The following COX7A2L variants were observed in gnomAD, a reference collection of about 807,000 sequenced individuals.
COX7A2L encodes the protein cytochrome c oxidase subunit 7A2 like, also known as cytochrome c oxidase subunit 7A2-like, mitochondrial.
In COX7A2L, 18 loss-of-function variants were observed where a neutral mutation model predicts 14.2. The observed-to-expected ratio is 1.27, with a 90% CI of 0.88 to 1.88. The LOEUF (loss-of-function observed/expected upper bound fraction) is 1.88, where lower values mean the gene tolerates loss of function less well. Ranked by LOEUF, COX7A2L falls within the 40% of genes most tolerant of loss-of-function variation. The pLI, the probability that COX7A2L is intolerant of heterozygous loss-of-function variation, is 0.00. For missense variants in COX7A2L, 179 were observed against 138.8 expected (o/e 1.29, Z -1.46); for synonymous variants, 65 against 57.4 (o/e 1.13, Z -0.60).
chr2:42,352,671 T>A (rs1670684915), intron 2 of COX7A2L, among the ~76,000 whole-genome samples: 1 of 152,164 alleles, frequency 6.6e-6, no homozygotes. Flanking sequence ...GCACCTAAGA[T>A]TTGGTCAGGT....
chr2:42,341,905 G>A (rs543478376), intron 2 of COX7A2L, among the ~76,000 whole-genome samples: 6 of 152,290 alleles, frequency 3.9e-5, no homozygotes, highest in Middle Eastern at 3.4e-3. Flanking sequence ...TCTCTGGACG[G>A]CTCTAATCAA....
chr2:42,349,086 T>A (rs1670559831), downstream of COX7A2L, among the ~76,000 whole-genome samples: 1 of 152,166 alleles, frequency 6.6e-6, no homozygotes, highest in Admixed American at 6.5e-5. Flanking sequence ...AGAGTTACCA[T>A]ATGACCCAGG....
intron 2 of COX7A2L, among the ~76,000 whole-genome samples, chr2:42,340,553 G>GT (rs1558626339): frequency 6.6e-6 from 1 of 151,946 alleles, no homozygotes; most frequent in African/African-American, 2.4e-5. Context: ...AATGTGCTCC[G>GT]TAACGCCTGA....
intron 2 of COX7A2L, among the ~76,000 whole-genome samples, chr2:42,340,428 C>G (rs1449503910): frequency 6.6e-6 from 1 of 152,228 alleles, no homozygotes; most frequent in Admixed American, 6.5e-5. Context: ...CACACTGCCA[C>G]TGTGGGTTCA....
downstream of COX7A2L, among the ~76,000 whole-genome samples, chr2:42,345,034 C>CA (rs1170565301): frequency 4.6e-5 from 7 of 152,268 alleles, no homozygotes; most frequent in African/African-American, 1.7e-4. Flanking sequence ...TTCGTGATAG[C>CA]AAAATCACAA....
chr2:42,356,741 C>T (rs1233565057), intron 1 of COX7A2L, among the ~76,000 whole-genome samples: 2 of 152,030 alleles, frequency 1.3e-5, no homozygotes, highest in Admixed American at 6.5e-5. Context: ...TCCTGGGCAA[C>T]GTAGTGAGAC....
intron 2 of COX7A2L, among the ~76,000 whole-genome samples, chr2:42,340,898 G>C (rs1670391184): frequency 6.6e-6 from 1 of 152,194 alleles, no homozygotes; most frequent in African/African-American, 2.4e-5. Flanking sequence ...TGCTTCAAGA[G>C]CTACTGATGG....
At chr2:42,358,830 G>A (rs1018868404) in intron 1 of COX7A2L, among the ~76,000 whole-genome samples, 1 of 152,082 alleles carries the variant, frequency 6.6e-6, no homozygotes, top group African/African-American at 2.4e-5. Context: ...TTATGCTGAA[G>A]ATATATTAAA....
upstream of COX7A2L, chr2:42,361,238 G>C: frequency 7.2e-7 from 1 of 1,393,282 alleles, no homozygotes; most frequent in Non-Finnish European, 9.8e-7. Context: ...CCCGGCTGTG[G>C]TCCCGAGACT....
rs772952010 is a variant in COX7A2L at position 42,351,293 on chromosome 2, T to C, written c.271A>G (p.Met91Val). 4 of 1,614,100 alleles carry C rather than the reference T, an allele frequency of 2.5e-6. No homozygotes were observed. Among genetic ancestry groups the C allele is most frequent in the Non-Finnish European group, 3.4e-6 (4 of 1,180,044 alleles). The change falls in exon 3 of 3, where the codon ATG (methionine) becomes GTG (valine). Residue 91 changes from methionine to valine, a missense_variant. Transcript: ENST00000234301. Reference protein sequence around the residue: ...LPDQMLYRTTMALTVGGTIYC... With the variant: ...LPDQMLYRTTVALTVGGTIYC... ...ATGGTCCCTCCCACAGTCAGCGCCA[T>C]GGTGGTCCGGTAAAGCATTTGGTCA...
chr2:42,361,306 C>T (rs2103914772), upstream of COX7A2L: 1 of 722,706 alleles, frequency 1.4e-6, no homozygotes, highest in Non-Finnish European at 2.3e-6. Context: ...AACTTAAAAC[C>T]TGCACACTTA....
chr2:42,364,658 T>C (rs1279332693), upstream of COX7A2L, among the ~76,000 whole-genome samples: 1 of 152,228 alleles, frequency 6.6e-6, no homozygotes, highest in Non-Finnish European at 1.5e-5. Context: ...AATAAAGCCC[T>C]ATCTGGTGTG....
chr2:42,367,563 G>T (rs1671190161), intron 1 of COX7A2L, among the ~76,000 whole-genome samples: 1 of 152,194 alleles, frequency 6.6e-6, no homozygotes, highest in Non-Finnish European at 1.5e-5. Flanking sequence ...AAAAGAAAGG[G>T]AACTGGAGAG....
At chr2:42,363,500 T>G (rs1490557546), upstream of COX7A2L, among the ~76,000 whole-genome samples, 1 of 152,198 alleles carries the variant, frequency 6.6e-6, no homozygotes, top group African/African-American at 2.4e-5. Context: ...TTTCTTAAAG[T>G]TCCTGCCATC....
downstream of COX7A2L, among the ~76,000 whole-genome samples, chr2:42,348,315 C>T (rs1024063684): frequency 2.2e-4 from 34 of 152,284 alleles, no homozygotes; most frequent in Admixed American, 8.5e-4. Context: ...TCTCAAATAT[C>T]GCCCCTCAGG....
At chr2:42,361,245 G>T, upstream of COX7A2L, 1 of 1,341,790 alleles carries the variant, frequency 7.5e-7, no homozygotes. Flanking sequence ...GTGGTCCCGA[G>T]ACTCAGCGCA....
intron 1 of COX7A2L, chr2:42,359,409 A>C (rs914089084): frequency 6.6e-6 from 1 of 152,272 alleles, no homozygotes; most frequent in Non-Finnish European, 1.5e-5. Context: ...GTGGTTATAC[A>C]GTACATGGGT....
intron 1 of COX7A2L, among the ~76,000 whole-genome samples, chr2:42,368,697 A>G (rs72976246): frequency 0.022 from 3,414 of 152,300 alleles, 124 homozygotes; most frequent in African/African-American, 0.077. Context: ...AATGCCTAGG[A>G]CACAGTAAGC....
At chr2:42,359,549 C>T (rs1228996497) in intron 1 of COX7A2L, 1 of 152,130 alleles carries the variant, frequency 6.6e-6, no homozygotes, top group Non-Finnish European at 1.5e-5. Context: ...CTGACTATTC[C>T]TTCCTTACAA....
Sources: allele counts gnomAD v4.1 joint callset (sites outside exome capture counted in the v4.1 genomes callset), GRCh38; gene constraint gnomAD v4.1.1; transcripts MANE v1.5; gene names NCBI Gene and HGNC (gene_info 2026-07-23, HGNC 2026-07-21).